The following SQOR variants were observed in gnomAD, a reference collection of about 807,000 sequenced individuals.
The protein encoded by SQOR is sulfide:quinone oxidoreductase, mitochondrial.
In SQOR, 39 loss-of-function variants were observed where a neutral mutation model predicts 48.6. That is an observed-to-expected ratio of 0.80 (90% CI 0.62 to 1.05). The LOEUF (loss-of-function observed/expected upper bound fraction) is 1.05, where lower values mean the gene tolerates loss of function less well. Among genes scored for constraint, SQOR ranks in the 50% least tolerant of loss-of-function variants. The pLI is 0.00. For missense variants in SQOR, 561 were observed against 559.9 expected (o/e 1.00, Z -0.02); for synonymous variants, 220 against 206.2 (o/e 1.07, Z -0.57).
chr15:45,662,967 A>T (rs1195916168), intron 3 of SQOR, among the ~76,000 whole-genome samples: 1 of 152,094 alleles, frequency 6.6e-6, no homozygotes, highest in African/African-American at 2.4e-5. Context: ...TTGGGTGAGG[A>T]TCCTAAAACG....
intron 1 of SQOR, among the ~76,000 whole-genome samples, chr15:45,637,697 G>A (rs1034124351): frequency 3.3e-5 from 5 of 152,188 alleles, no homozygotes; most frequent in African/African-American, 1.2e-4. Context: ...CAGTGAAAAT[G>A]AAACTGAATG....
chr15:45,669,003 A>G (rs1371175295), intron 3 of SQOR, among the ~76,000 whole-genome samples: 2 of 151,976 alleles, frequency 1.3e-5, no homozygotes, highest in East Asian at 1.9e-4. Flanking sequence ...TAGCCTTTCA[A>G]TGACCTTGAG....
intron 5 of SQOR, among the ~76,000 whole-genome samples, chr15:45,675,475 A>G (rs1339582130): frequency 2.0e-5 from 3 of 151,816 alleles, no homozygotes; most frequent in African/African-American, 7.3e-5. Flanking sequence ...GCTCCCTGCA[A>G]ACTCCGCTTC....
At position 45,671,773 on chromosome 15, in the gene SQOR, C is replaced by A. The variant is rs576790025; in HGVS notation, c.459+1792C>A. Among the ~76,000 whole-genome samples, 3 of 152,306 alleles carry A rather than the reference C, an allele frequency of 2.0e-5. No homozygotes were observed. The East Asian group carries it at 5.8e-4, about 29-fold the overall frequency. On this transcript the variant is annotated intron_variant, in intron 4 of 9. Transcript: ENST00000260324. Reference sequence around the variant, plus strand: ...TGTCCATCTCTCTTAGCCTCTTTCTCAGGCCAGCTTCACAGGGTCTCTGCA... The same window carrying A: ...TGTCCATCTCTCTTAGCCTCTTTCTAAGGCCAGCTTCACAGGGTCTCTGCA...
chr15:45,646,643 CAT>C (rs1386490005), intron 1 of SQOR, among the ~76,000 whole-genome samples: 1 of 152,156 alleles, frequency 6.6e-6, no homozygotes, highest in Non-Finnish European at 1.5e-5. Flanking sequence ...TTCACTCTGA[CAT>C]AGTTTTTTTA....
intron 7 of SQOR, among the ~76,000 whole-genome samples, chr15:45,684,336 A>C (rs1404147311): frequency 6.6e-6 from 1 of 152,144 alleles, no homozygotes; most frequent in Non-Finnish European, 1.5e-5. Context: ...TTTAATATAG[A>C]GCAGGCCTTC....
At chr15:45,662,977 G>A (rs1889748426) in intron 3 of SQOR, among the ~76,000 whole-genome samples, 1 of 152,152 alleles carries the variant, frequency 6.6e-6, no homozygotes, top group Non-Finnish European at 1.5e-5. Context: ...ATCCTAAAAC[G>A]TTTTCAAGTC....
intron 6 of SQOR, among the ~76,000 whole-genome samples, chr15:45,677,639 G>A (rs1399702749): frequency 6.6e-6 from 1 of 152,132 alleles, no homozygotes; most frequent in Non-Finnish European, 1.5e-5. Context: ...TCAGTAGAAT[G>A]TTCCTCATTT....
At chr15:45,652,502 C>T (rs1170642743) in intron 1 of SQOR, among the ~76,000 whole-genome samples, 2 of 152,056 alleles carry the variant, frequency 1.3e-5, no homozygotes, top group African/African-American at 4.8e-5. Context: ...GCCGGCAGGT[C>T]CGGCTACTTT....
At chr15:45,632,693 G>C (rs1894919159), upstream of SQOR, among the ~76,000 whole-genome samples, 1 of 152,084 alleles carries the variant, frequency 6.6e-6, no homozygotes, top group African/African-American at 2.4e-5. Context: ...AAGCATTTTG[G>C]AAATATAGGA....
upstream of SQOR, among the ~76,000 whole-genome samples, chr15:45,632,333 C>CCTCA (rs1894912281): frequency 6.6e-6 from 1 of 151,914 alleles, no homozygotes; most frequent in Non-Finnish European, 1.5e-5. Context: ...AATTCTCCTG[C>CCTCA]CTCAGCCTCC....
chr15:45,676,563 C>T (rs1890040339), intron 6 of SQOR, among the ~76,000 whole-genome samples: 1 of 152,188 alleles, frequency 6.6e-6, no homozygotes, highest in Non-Finnish European at 1.5e-5. Flanking sequence ...TGTCCTATTC[C>T]TTTGACTCAA....
chr15:45,651,126 G>A (rs547043417), intron 1 of SQOR, among the ~76,000 whole-genome samples: 30 of 152,344 alleles, frequency 2.0e-4, no homozygotes, highest in Middle Eastern at 3.4e-3. Flanking sequence ...GGGGCATGGC[G>A]GGCTGCAGGT....
At chr15:45,663,158 C>T (rs1383967128) in intron 3 of SQOR, among the ~76,000 whole-genome samples, 2 of 152,140 alleles carry the variant, frequency 1.3e-5, no homozygotes, top group African/African-American at 4.8e-5. Context: ...GCTGGGACTA[C>T]AGGTGCGCAT....
chr15:45,646,562 T>A (rs1889344446), intron 1 of SQOR, among the ~76,000 whole-genome samples: 1 of 152,238 alleles, frequency 6.6e-6, no homozygotes, highest in African/African-American at 2.4e-5. Flanking sequence ...TTACTTGTAT[T>A]GCTAATATCT....
intron 1 of SQOR, among the ~76,000 whole-genome samples, chr15:45,640,345 A>G (rs554077682): frequency 1.3e-5 from 2 of 152,242 alleles, no homozygotes; most frequent in African/African-American, 4.8e-5. Context: ...CCTTTATTCC[A>G]TTGATGAAGA....
intron 1 of SQOR, among the ~76,000 whole-genome samples, chr15:45,653,638 C>G (rs1595573736): frequency 6.6e-6 from 1 of 152,130 alleles, no homozygotes; most frequent in Non-Finnish European, 1.5e-5. Flanking sequence ...ATCGTAGTCA[C>G]GTGTTTGGTT....
At chr15:45,648,960 C>A (rs555934750) in intron 1 of SQOR, among the ~76,000 whole-genome samples, 1 of 152,286 alleles carries the variant, frequency 6.6e-6, no homozygotes, top group South Asian at 2.1e-4. Flanking sequence ...AATCAAAGAC[C>A]CACTGTGTCC....
chr15:45,657,669 CCTTT>C (rs1349073487), intron 1 of SQOR, among the ~76,000 whole-genome samples: 1 of 152,150 alleles, frequency 6.6e-6, no homozygotes, highest in Non-Finnish European at 1.5e-5. Flanking sequence ...CTCTCCAAGG[CCTTT>C]CTTTCTTTTT....
Sources: allele counts gnomAD v4.1 joint callset (sites outside exome capture counted in the v4.1 genomes callset), GRCh38; gene constraint gnomAD v4.1.1; transcripts MANE v1.5; gene names NCBI Gene and HGNC (gene_info 2026-07-23, HGNC 2026-07-21).